RFX2: variants seen among roughly 807,000 people sequenced by gnomAD.
RFX2 encodes regulatory factor X2.
In RFX2, 20 loss-of-function variants were observed where a neutral mutation model predicts 87.8. The ratio of observed to expected loss-of-function variants is 0.23; its 90% CI spans 0.16 to 0.33. The LOEUF (loss-of-function observed/expected upper bound fraction) is 0.33, where lower values mean the gene tolerates loss of function less well. Among genes scored for constraint, RFX2 ranks in the 10% least tolerant of loss-of-function variants. The pLI is 1.00. For missense variants in RFX2, 767 were observed against 1,012.3 expected, an observed-to-expected ratio of 0.76 and a Z score of 3.29; for synonymous variants, 397 against 431.3, an observed-to-expected ratio of 0.92 and a Z score of 0.98.
intron 1 of RFX2, among the ~76,000 whole-genome samples, chr19:6,108,357 C>CCCCT (rs1435543538): frequency 1.3e-5 from 2 of 152,154 alleles, no homozygotes; most frequent in Admixed American, 1.3e-4. Context: ...CACAGATGCC[C>CCCCT]CCCTCCTCCT....
rs2086643583 is a variant in RFX2, at chr19:6,010,269, A to G, written c.900-18T>C. 1 of 1,512,706 alleles carries G rather than the reference A, an allele frequency of 6.6e-7. No individual in the cohort carries two copies. Among genetic ancestry groups the G allele is most frequent in the Non-Finnish European group, 9.0e-7 (1 of 1,117,066 alleles). 93.7% of individuals were successfully genotyped at this position (1,512,706 alleles called of 1,614,324 possible). On this transcript the variant is annotated intron_variant, in intron 8 of 17. Coordinates refer to ENST00000303657, the MANE Select transcript of RFX2 (RefSeq NM_000635.4). The surrounding 1 kb of genome is among the most constrained non-coding windows in gnomAD (Gnocchi z 5.0). ...GCCGGTACCTAGGCCAGGAACACGCATACCATCATGAGGCCCAGCAGCCCT... is the reference window on the plus strand; with the variant it reads ...GCCGGTACCTAGGCCAGGAACACGCGTACCATCATGAGGCCCAGCAGCCCT...
intron 1 of RFX2, among the ~76,000 whole-genome samples, chr19:6,081,511 G>A (rs922812540): frequency 1.3e-5 from 2 of 152,158 alleles, no homozygotes; most frequent in Admixed American, 6.5e-5. Context: ...TTTTAATGCA[G>A]GTAATTATAC....
intron 5 of RFX2, among the ~76,000 whole-genome samples, chr19:6,030,367 C>T (rs1399750055): frequency 6.6e-6 from 1 of 152,054 alleles, no homozygotes; most frequent in Non-Finnish European, 1.5e-5. Flanking sequence ...TGCCAGAAAG[C>T]GGAAAAACCC....
intron 1 of RFX2, among the ~76,000 whole-genome samples, chr19:6,107,834 C>T (rs1430539560): frequency 1.3e-5 from 2 of 152,038 alleles, no homozygotes; most frequent in African/African-American, 4.8e-5. Flanking sequence ...CAATGATAAA[C>T]AATGTTAAAA....
intron 5 of RFX2, among the ~76,000 whole-genome samples, chr19:6,038,204 G>GT (rs1258881955): frequency 6.6e-6 from 1 of 151,798 alleles, no homozygotes; most frequent in Non-Finnish European, 1.5e-5. Context: ...GTACACACCT[G>GT]TAATTCCAGC....
intron 13 of RFX2, among the ~76,000 whole-genome samples, chr19:6,003,184 A>G (rs1231032518): frequency 1.3e-5 from 2 of 151,714 alleles, no homozygotes; most frequent in East Asian, 3.9e-4. Flanking sequence ...GAGACCACAG[A>G]CTCCTGAGTG....
In RFX2 at chr19:6,017,749, T is replaced by G. The variant is rs376200297; in HGVS notation, c.598-1478A>C. Among the ~76,000 whole-genome samples, 1 of 152,080 alleles carries G rather than the reference T, an allele frequency of 6.6e-6. No homozygotes were observed. The highest frequency in any genetic ancestry group is 1.9e-4 in the East Asian group (1 of 5,136). ...GTCCTCAGCCCTCCCCCACCGGGCA[T>G]GTTGGGCTCCTGCACAGCCCTTGGC... On this transcript the variant is annotated intron_variant, in intron 6 of 17. Coordinates refer to ENST00000303657, the MANE Select transcript of RFX2 (RefSeq NM_000635.4). This position sits in a 1 kb window ranked among gnomAD's most constrained non-coding sequence, Gnocchi z 4.1.
At chr19:6,081,826 G>A (rs1473795580) in intron 1 of RFX2, among the ~76,000 whole-genome samples, 1 of 152,168 alleles carries the variant, frequency 6.6e-6, no homozygotes, top group East Asian at 1.9e-4. Context: ...GTTGGCTCAC[G>A]CTTGTAATCC....
At position 6,064,197 on chromosome 19, in the gene RFX2, C is replaced by T. The variant is rs916542983; in HGVS notation, c.-8-16693G>A. Among the ~76,000 whole-genome samples the T allele has an allele frequency of 2.0e-5, 3 of 152,226 alleles. No individual in the cohort carries two copies. Among genetic ancestry groups the T allele is most frequent in the African/African-American group, 7.2e-5 (3 of 41,458 alleles). ...CAGCCCGCCTGCTCCGGGCTGCTCACCTGTTCTAGCCACCTTCACCATGTT... is the reference window on the plus strand; with the variant it reads ...CAGCCCGCCTGCTCCGGGCTGCTCATCTGTTCTAGCCACCTTCACCATGTT... On this transcript the variant is annotated intron_variant, in intron 1 of 17. Transcript: ENST00000303657. This position sits in a 1 kb window ranked among gnomAD's most constrained non-coding sequence, Gnocchi z 4.8.
Position 6,026,378 on chromosome 19 carries a change from C to T in RFX2, c.523-141G>A. ...GCTCCTACAAAATAAAAATGAGGCT[C>T]CACGCAGGCAGGGCGGGGGTGAGTT... On this transcript the variant is annotated intron_variant, in intron 5 of 17. Coordinates refer to ENST00000303657, the MANE Select transcript of RFX2 (RefSeq NM_000635.4). The surrounding 1 kb of genome is among the most constrained non-coding windows in gnomAD (Gnocchi z 4.5). The T allele has an allele frequency of 1.4e-6, 1 of 725,796 alleles. No individual in the cohort carries two copies. The highest frequency in any genetic ancestry group is 1.8e-5 in the South Asian group (1 of 55,860). The allele number at this position is 725,796 out of a possible 1,614,324, so 45.0% of individuals were successfully genotyped here. A position where few individuals can be genotyped will look rare whatever the true frequency, so the allele number is the denominator to read the frequency against.
At position 6,097,674 on chromosome 19, in the gene RFX2, G is replaced by A. The variant is rs146515180; in HGVS notation, c.-9+12719C>T. 1.5e-3 allele frequency among the ~76,000 whole-genome samples: 228 copies of A among 152,126 alleles called. 1 individual carries two copies. The highest frequency in any genetic ancestry group is 5.4e-3 in the African/African-American group (223 of 41,492). ...GGTGCAAACACGGCTCAAGTAACTC[G>A]TGGGCTCAAGTAATCCTTCCACCTC... On this transcript the variant is annotated intron_variant, in intron 1 of 17. Coordinates refer to ENST00000303657, the MANE Select transcript of RFX2 (RefSeq NM_000635.4).
intron 1 of RFX2, among the ~76,000 whole-genome samples, chr19:6,051,591 C>T (rs2087266747): frequency 6.6e-6 from 1 of 151,960 alleles, no homozygotes; most frequent in South Asian, 2.1e-4. Flanking sequence ...ATTTGATTAT[C>T]TAAATAAAGG....
Position 6,008,475 on chromosome 19 carries a change from C to T in RFX2, c.1016-251G>A, listed in dbSNP as rs10402257. ...GCAACCTCCAGCTCCTGGGATCAAGCGATTCTTCTGCTTCAACCGCCCGAG... is the reference window on the plus strand; with the variant it reads ...GCAACCTCCAGCTCCTGGGATCAAGTGATTCTTCTGCTTCAACCGCCCGAG... On this transcript the variant is annotated intron_variant, in intron 9 of 17. Coordinates refer to ENST00000303657, the MANE Select transcript of RFX2 (RefSeq NM_000635.4). Among the ~76,000 whole-genome samples the T allele has an allele frequency of 6.6e-3, 953 of 144,770 alleles. 12 individuals are homozygous for T. The highest frequency in any genetic ancestry group is 0.023 in the African/African-American group (901 of 38,812). The allele number at this position is 144,770 out of a possible 152,430, so 95.0% of individuals were successfully genotyped here. A position where few individuals can be genotyped will look rare whatever the true frequency, so the allele number is the denominator to read the frequency against.
Position 6,016,324 on chromosome 19 carries a change from A to G in RFX2, c.598-53T>C. 1 of 1,365,678 alleles carries G rather than the reference A, an allele frequency of 7.3e-7. No homozygotes were observed. The highest frequency in any genetic ancestry group is 1.0e-6 in the Non-Finnish European group (1 of 982,130). The allele number at this position is 1,365,678 out of a possible 1,614,324, so 84.6% of individuals were successfully genotyped here. A position where few individuals can be genotyped will look rare whatever the true frequency, so the allele number is the denominator to read the frequency against. Reference sequence around the variant, plus strand: ...TGTCAGAAGCCTGAGGAACGCTAACATGCCAACGTGGACTCATTAAGAGAA... The same window carrying G: ...TGTCAGAAGCCTGAGGAACGCTAACGTGCCAACGTGGACTCATTAAGAGAA... On this transcript the variant is annotated intron_variant, in intron 6 of 17. Transcript: ENST00000303657. The surrounding 1 kb of genome is among the most constrained non-coding windows in gnomAD (Gnocchi z 5.4).
rs1167940413 is a variant in RFX2 at position 6,002,114 on chromosome 19, G to A, written c.1651-91C>T. 8 of 1,168,816 alleles carry A rather than the reference G, an allele frequency of 6.8e-6. No individual in the cohort carries two copies. In the East Asian group the frequency reaches 1.1e-4, roughly 15 times the overall value. The allele number at this position is 1,168,816 out of a possible 1,614,324, so 72.4% of individuals were successfully genotyped here. A position where few individuals can be genotyped will look rare whatever the true frequency, so the allele number is the denominator to read the frequency against. On this transcript the variant is annotated intron_variant, in intron 14 of 17. Coordinates refer to ENST00000303657, the MANE Select transcript of RFX2 (RefSeq NM_000635.4). This position sits in a 1 kb window ranked among gnomAD's most constrained non-coding sequence, Gnocchi z 6.7. ...CTAGCCATGCTCAGGGCGGGACATC[G>A]TGCTGTGCTTGAGCCTTCTCGCCCT...
chr19:6,048,917 G>C (rs371348319), intron 1 of RFX2, among the ~76,000 whole-genome samples: 1 of 79,772 alleles, frequency 1.3e-5, no homozygotes, highest in Non-Finnish European at 2.4e-5. Flanking sequence ...ATGCCACCCA[G>C]AGCCCCACGG....
intron 12 of RFX2, among the ~76,000 whole-genome samples, chr19:6,005,954 A>C (rs983402849): frequency 9.2e-5 from 14 of 152,188 alleles, no homozygotes; most frequent in African/African-American, 3.4e-4. Context: ...TGACGGCTCC[A>C]GGGCTGCACA....
In RFX2 at chr19:6,012,889, TG is replaced by T; in HGVS notation, c.899+96del. Reference sequence around the variant, plus strand: ...TTGGCTTTCCCAGGATGCTGGAGACTGGGGAGTTATGATGAGTTTGTTTCGT... The same window carrying T: ...TTGGCTTTCCCAGGATGCTGGAGACTGGGAGTTATGATGAGTTTGTTTCGT... On this transcript the variant is annotated intron_variant, in intron 8 of 17. Transcript: ENST00000303657. This position sits in a 1 kb window ranked among gnomAD's most constrained non-coding sequence, Gnocchi z 4.6. The T allele has an allele frequency of 8.1e-7, 1 of 1,235,416 alleles. No individual in the cohort carries two copies. Among genetic ancestry groups the T allele is most frequent in the Non-Finnish European group, 1.1e-6 (1 of 947,284 alleles). The allele number at this position is 1,235,416 out of a possible 1,614,324, so 76.5% of individuals were successfully genotyped here.
intron 1 of RFX2, among the ~76,000 whole-genome samples, chr19:6,080,657 G>A (rs1393851418): frequency 1.3e-5 from 2 of 152,206 alleles, no homozygotes; most frequent in Non-Finnish European, 2.9e-5. Flanking sequence ...GGATGTGGGA[G>A]AGAGCAGCCT....
Sources: gnomAD v4.1 joint callset for allele counts (sites outside exome capture counted in the v4.1 genomes callset) on GRCh38, gnomAD v4.1.1 for gene constraint, Gnocchi (gnomAD v3.1) non-coding constraint, MANE v1.5 for transcripts, NCBI Gene and HGNC (gene_info 2026-07-23, HGNC 2026-07-21) for gene names.